C12orf42: variants seen among roughly 807,000 people sequenced by gnomAD.
C12orf42 encodes the protein uncharacterized protein C12orf42.
A neutral mutation model predicts 21.6 loss-of-function variants in C12orf42; 25 were observed. The ratio of observed to expected loss-of-function variants is 1.16; its 90% CI spans 0.84 to 1.62. The LOEUF is 1.62. Among genes scored for constraint, C12orf42 ranks in the 40% most tolerant of loss-of-function variants. The probability of loss-of-function intolerance (pLI) is 0.00; values close to 1 mark genes in which losing one functional copy is unlikely to be tolerated. For missense variants in C12orf42, 483 were observed against 459.3 expected (o/e 1.05, Z -0.47); for synonymous variants, 174 against 175.0 (o/e 0.99, Z 0.05).
rs1388217527 is a variant in C12orf42 at position 103,306,162 on chromosome 12, C to G, written c.443G>C (p.Gly148Ala). The G allele has an allele frequency of 1.2e-6, 2 of 1,613,922 alleles. No homozygotes were observed. Among genetic ancestry groups the G allele is most frequent in the South Asian group, 2.2e-5 (2 of 91,074 alleles). Reference sequence around the variant, plus strand: ...TCCTCTGGCTCTCTCCTCAGTTTCTCCTCTGGCAGTAAAAATCAATGGGGC... The same window carrying G: ...TCCTCTGGCTCTCTCCTCAGTTTCTGCTCTGGCAGTAAAAATCAATGGGGC... ...DEAPLIFTAR[G>A]ETEERARGAP... The change falls in exon 5 of 6, where the codon GGA becomes GCA. Residue 148 changes from glycine (G) to alanine (A), a missense_variant. Transcript: ENST00000548883.
chr12:103,497,869 A>T (rs1463924600), upstream of C12orf42, among the ~76,000 whole-genome samples: 1 of 152,060 alleles, frequency 6.6e-6, no homozygotes, highest in Non-Finnish European at 1.5e-5. Flanking sequence ...GTCTCTACTA[A>T]AACAAAATAA....
the C12orf42 span, among the ~76,000 whole-genome samples, chr12:103,175,844 A>G: frequency 6.6e-6 from 1 of 152,138 alleles, no homozygotes; most frequent in African/African-American, 2.4e-5. Context: ...AAATCAGCCA[A>G]TTAATAAGTA....
chr12:103,098,556 T>C, the C12orf42 span, among the ~76,000 whole-genome samples: 1 of 152,192 alleles, frequency 6.6e-6, no homozygotes, highest in Non-Finnish European at 1.5e-5. Context: ...GGGAACTTCT[T>C]TGGAAATCAA....
the C12orf42 span, among the ~76,000 whole-genome samples, chr12:103,094,227 T>C: frequency 6.6e-6 from 1 of 152,240 alleles, no homozygotes; most frequent in Non-Finnish European, 1.5e-5. Flanking sequence ...GCTGTCAGGC[T>C]AACCTTCTTC....
At chr12:103,498,884 G>T (rs1019839042), upstream of C12orf42, among the ~76,000 whole-genome samples, 15 of 151,686 alleles carry the variant, frequency 9.9e-5, no homozygotes, top group Non-Finnish European at 1.2e-4. Flanking sequence ...GGTGGGGTTG[G>T]GGGAGGGAGG....
At chr12:103,284,822 T>G (rs2036344035) in intron 4 of C12orf42, among the ~76,000 whole-genome samples, 1 of 152,224 alleles carries the variant, frequency 6.6e-6, no homozygotes, top group Non-Finnish European at 1.5e-5. Flanking sequence ...GGGCCCCTAC[T>G]GAAATGGTAT....
chr12:103,237,816 G>A (rs2033521764), exon 11 of C12orf42: 1 of 152,190 alleles, frequency 6.6e-6, no homozygotes, highest in Non-Finnish European at 1.5e-5. Context: ...AGAGCTAAAG[G>A]GTGGAAGGCC....
chr12:103,295,098 T>C (rs1438809199), intron 4 of C12orf42, among the ~76,000 whole-genome samples: 1 of 152,172 alleles, frequency 6.6e-6, no homozygotes, highest in East Asian at 1.9e-4. Context: ...AAGGACATAA[T>C]CTCATTCTTT....
At chr12:103,227,272 C>T in the C12orf42 span, among the ~76,000 whole-genome samples, 5 of 150,984 alleles carry the variant, frequency 3.3e-5, no homozygotes, top group African/African-American at 1.2e-4. Flanking sequence ...GATAAGAGGT[C>T]GGGGCGTGGA....
chr12:103,466,437 C>G (rs1457419254), intron 2 of C12orf42, among the ~76,000 whole-genome samples: 1 of 152,116 alleles, frequency 6.6e-6, no homozygotes, highest in African/African-American at 2.4e-5. Context: ...CAGATTCACA[C>G]CCTGGGTAAC....
At chr12:103,316,044 GTA>G (rs147210932) in intron 4 of C12orf42, among the ~76,000 whole-genome samples, 15 of 147,894 alleles carry the variant, frequency 1.0e-4, no homozygotes, top group East Asian at 4.0e-4. Context: ...CACTGATGCA[GTA>G]TATATATATA....
the C12orf42 span, among the ~76,000 whole-genome samples, chr12:103,197,163 T>G: frequency 6.6e-6 from 1 of 152,230 alleles, no homozygotes; most frequent in Non-Finnish European, 1.5e-5. Context: ...TTATTTCACT[T>G]TTGTTTATGG....
At chr12:103,477,728 A>T (rs995967463) in intron 2 of C12orf42, among the ~76,000 whole-genome samples, 3 of 152,328 alleles carry the variant, frequency 2.0e-5, no homozygotes, top group African/African-American at 7.2e-5. Flanking sequence ...GGAAGGAAAC[A>T]GAATCTCCTC....
At chr12:103,073,616 A>G in the C12orf42 span, among the ~76,000 whole-genome samples, 1 of 152,198 alleles carries the variant, frequency 6.6e-6, no homozygotes, top group East Asian at 1.9e-4. Context: ...GTCACGGTAT[A>G]TGACCCCTTC....
the C12orf42 span, among the ~76,000 whole-genome samples, chr12:103,206,558 T>A: frequency 6.6e-6 from 1 of 151,640 alleles, no homozygotes; most frequent in Non-Finnish European, 1.5e-5. Flanking sequence ...GATTAAAAAG[T>A]GACTTTCATT....
At chr12:103,065,822 G>A in the C12orf42 span, among the ~76,000 whole-genome samples, 1 of 152,168 alleles carries the variant, frequency 6.6e-6, no homozygotes. Flanking sequence ...TAGATTTTGG[G>A]AGCAACACAT....
the C12orf42 span, among the ~76,000 whole-genome samples, chr12:103,207,175 G>A: frequency 6.6e-6 from 1 of 152,222 alleles, no homozygotes; most frequent in African/African-American, 2.4e-5. Context: ...CCCTCCACCT[G>A]AGTGCAGGCA....
the C12orf42 span, among the ~76,000 whole-genome samples, chr12:103,530,631 G>GGC: frequency 6.6e-6 from 1 of 152,088 alleles, no homozygotes; most frequent in Admixed American, 6.5e-5. Flanking sequence ...GTGTTCGGGG[G>GGC]GGGAAAACCC....
intron 3 of C12orf42, among the ~76,000 whole-genome samples, chr12:103,372,968 A>C (rs896882315): frequency 1.3e-4 from 20 of 152,186 alleles, no homozygotes; most frequent in African/African-American, 4.1e-4. Context: ...AAAAGAATGA[A>C]TGAAGACAAA....
Sources: gnomAD v4.1 joint callset for allele counts (sites outside exome capture counted in the v4.1 genomes callset) on GRCh38, gnomAD v4.1.1 for gene constraint, MANE v1.5 for transcripts, NCBI Gene and HGNC (gene_info 2026-07-23, HGNC 2026-07-21) for gene names.